Variants in SEMA6D observed in about 807,000 individuals in gnomAD.
The protein encoded by SEMA6D is semaphorin 6D.
Under a neutral mutation model 106.6 loss-of-function variants are expected in SEMA6D, and 35 were observed. The observed-to-expected ratio is 0.33, with a 90% CI of 0.25 to 0.44. SEMA6D has a LOEUF of 0.44. SEMA6D is among the 20% of genes least tolerant of loss of function. The pLI is 1.00. For synonymous variants in SEMA6D, 499 were observed against 487.7 expected (o/e 1.02, Z -0.31); for missense variants, 1,185 against 1,345.9 (o/e 0.88, Z 1.87).
At chr15:47,733,110 TCTAAAG>T (rs2080231576) in intron 1 of SEMA6D, among the ~76,000 whole-genome samples, 1 of 152,244 alleles carries the variant, frequency 6.6e-6, no homozygotes, top group African/African-American at 2.4e-5. Context: ...CCCTTAAAGC[TCTAAAG>T]CTAAAGTTTC....
intron 4 of SEMA6D, among the ~76,000 whole-genome samples, chr15:47,689,523 G>C (rs2078539380): frequency 6.6e-6 from 1 of 152,184 alleles, no homozygotes. Flanking sequence ...GAGATGATAG[G>C]AAAAAAGAAA....
chr15:47,568,968 A>G (rs900412247), intron 3 of SEMA6D, among the ~76,000 whole-genome samples: 10 of 152,270 alleles, frequency 6.6e-5, no homozygotes, highest in African/African-American at 1.7e-4. Context: ...ACTGTGCTCT[A>G]TGGAAATCCA....
intron 4 of SEMA6D, among the ~76,000 whole-genome samples, chr15:47,620,372 G>A (rs1384793884): frequency 6.6e-6 from 1 of 152,238 alleles, no homozygotes; most frequent in Non-Finnish European, 1.5e-5. Flanking sequence ...GCAGGGGAAT[G>A]AGAGTATCTG....
chr15:47,755,421 T>A (rs1247554087), intron 1 of SEMA6D, among the ~76,000 whole-genome samples: 1 of 152,170 alleles, frequency 6.6e-6, no homozygotes. Flanking sequence ...TTTTTCTCTC[T>A]CTCTTAGCTG....
At chr15:47,644,589 C>G (rs1178244803) in intron 4 of SEMA6D, among the ~76,000 whole-genome samples, 1 of 152,184 alleles carries the variant, frequency 6.6e-6, no homozygotes, top group Non-Finnish European at 1.5e-5. Context: ...TACAAAGGGG[C>G]TTGATGGAGG....
rs182687068 is a variant in SEMA6D, at chr15:47,717,685, C to T, written c.-62C>T. The T allele has an allele frequency of 4.6e-5, 7 of 151,966 alleles. No homozygotes were observed. The highest frequency in any genetic ancestry group is 1.9e-4 in the East Asian group (1 of 5,134). 9.4% of individuals were successfully genotyped at this position (151,966 alleles called of 1,614,324 possible). A position where few individuals can be genotyped will look rare whatever the true frequency, so the allele number is the denominator to read the frequency against. ...TTTCTTTTTTCTTACCAGCCTCCCCCCAATGAGGTAAGACCGTTTTCAACA... is the reference window on the plus strand; with the variant it reads ...TTTCTTTTTTCTTACCAGCCTCCCCTCAATGAGGTAAGACCGTTTTCAACA... On this transcript the variant is annotated 5_prime_UTR_variant, in exon 1 of 19. Coordinates refer to ENST00000536845, the MANE Select transcript of SEMA6D (RefSeq NM_001358351.3).
intron 3 of SEMA6D, among the ~76,000 whole-genome samples, chr15:47,577,731 C>T (rs993206400): frequency 3.3e-5 from 5 of 152,294 alleles, no homozygotes; most frequent in African/African-American, 1.2e-4. Context: ...TTACCATTAG[C>T]AGACAGTCTG....
In SEMA6D at chr15:47,764,662, C is replaced by T; in HGVS notation, c.1122C>T (p.Gly374=). ...GGCCTGGCTGTTGTGCAAAACACGG[C>T]CTTGCCGAAGCTTATAAAACCTCCA... ...KPRPGCCAKH[G]LAEAYKTSID... The change falls in exon 12 of 19, where the codon GGC becomes GGT. Residue 374 remains glycine (G), a synonymous_variant. Transcript: ENST00000536845. 6.2e-7 allele frequency: 1 copy of T among 1,614,024 alleles called. No individual in the cohort carries two copies. Among genetic ancestry groups the T allele is most frequent in the Non-Finnish European group, 8.5e-7 (1 of 1,179,886 alleles).
At chr15:47,264,159 A>G (rs1191603539) in intron 1 of SEMA6D, among the ~76,000 whole-genome samples, 4 of 152,006 alleles carry the variant, frequency 2.6e-5, no homozygotes, top group Non-Finnish European at 4.4e-5. Context: ...ACACATGGAC[A>G]CATAGAGGGC....
chr15:47,327,260 T>C (rs968542565), intron 1 of SEMA6D, among the ~76,000 whole-genome samples: 1 of 152,242 alleles, frequency 6.6e-6, no homozygotes, highest in African/African-American at 2.4e-5. Flanking sequence ...AGATTTATTA[T>C]AAGAATTAAA....
intron 1 of SEMA6D, among the ~76,000 whole-genome samples, chr15:47,242,248 AG>A: frequency 6.6e-6 from 1 of 152,286 alleles, no homozygotes; most frequent in Non-Finnish European, 1.5e-5. Flanking sequence ...TGCCGTTAAA[AG>A]TAATGGCAAA....
At chr15:47,360,871 G>A (rs1043407426) in intron 1 of SEMA6D, among the ~76,000 whole-genome samples, 1 of 152,244 alleles carries the variant, frequency 6.6e-6, no homozygotes, top group African/African-American at 2.4e-5. Flanking sequence ...GGGAAATTTT[G>A]TCAGAGGGAT....
intron 3 of SEMA6D, among the ~76,000 whole-genome samples, chr15:47,565,677 GA>G (rs2046210280): frequency 6.6e-6 from 1 of 152,196 alleles, no homozygotes; most frequent in African/African-American, 2.4e-5. Context: ...CTGGGGTGGG[GA>G]GGAATTAAAT....
intron 3 of SEMA6D, among the ~76,000 whole-genome samples, chr15:47,491,072 C>T (rs912416445): frequency 5.3e-5 from 8 of 152,126 alleles, no homozygotes; most frequent in African/African-American, 1.9e-4. Flanking sequence ...TTCACATACC[C>T]TATGATCTAA....
intron 3 of SEMA6D, among the ~76,000 whole-genome samples, chr15:47,562,685 A>G (rs2046115630): frequency 6.6e-6 from 1 of 152,106 alleles, no homozygotes; most frequent in African/African-American, 2.4e-5. Flanking sequence ...AAAAAGACAG[A>G]TGATACCAAG....
In SEMA6D at chr15:47,386,690, G is replaced by C. The variant is rs574678299; in HGVS notation, c.-238-25703G>C. Among the ~76,000 whole-genome samples, 4 of 152,270 alleles carry C rather than the reference G, an allele frequency of 2.6e-5. No homozygotes were observed. The East Asian group carries it at 7.7e-4, about 29-fold the overall frequency. ...GTTACCTATGGGAAGTGTGACCTCT[G>C]GGAACACCTGGTGCCAGGTTTCAGA... On this transcript the variant is annotated intron_variant, in intron 1 of 19. Transcript: ENST00000558014.
At chr15:47,261,942 G>A (rs2034094796) in intron 1 of SEMA6D, among the ~76,000 whole-genome samples, 1 of 151,932 alleles carries the variant, frequency 6.6e-6, no homozygotes, top group Non-Finnish European at 1.5e-5. Context: ...GTACATTTGA[G>A]TTGTTTTCAC....
At chr15:47,207,991 G>GCACACACACACA (rs779884565) in intron 1 of SEMA6D, among the ~76,000 whole-genome samples, 5 of 122,892 alleles carry the variant, frequency 4.1e-5, no homozygotes, top group Non-Finnish European at 6.9e-5. Context: ...ACTGGCGCGC[G>GCACACACACACA]CGCACACACA....
At position 47,773,274 on chromosome 15, in the gene SEMA6D, G is replaced by A. The variant is rs561803749; in HGVS notation, c.*1489G>A. ...ATAGCAGCATTACATTCTTTGCCGT[G>A]ATAAACATTCCACTCCTGCTTTCCT... is the stretch of plus-strand genomic sequence containing the variant. On this transcript the variant is annotated 3_prime_UTR_variant, in exon 19 of 19. Coordinates refer to ENST00000536845, the MANE Select transcript of SEMA6D (RefSeq NM_001358351.3). The A allele has an allele frequency of 6.6e-6, 1 of 152,590 alleles. No homozygotes were observed. Among genetic ancestry groups the A allele is most frequent in the Non-Finnish European group, 1.5e-5 (1 of 68,024 alleles). The allele number at this position is 152,590 out of a possible 1,614,324, so 9.5% of individuals were successfully genotyped here.
Sources: gnomAD v4.1 joint callset for allele counts (sites outside exome capture counted in the v4.1 genomes callset) on GRCh38, gnomAD v4.1.1 for gene constraint, MANE v1.5 for transcripts, NCBI Gene and HGNC (gene_info 2026-07-23, HGNC 2026-07-21) for gene names.